Variants in CIMIP6 observed in about 807,000 individuals in gnomAD.
CIMIP6 encodes uncharacterized protein C2orf73.
chr2:54,375,708 A>G, the CIMIP6 span, among the ~76,000 whole-genome samples: 1 of 152,260 alleles, frequency 6.6e-6, no homozygotes, highest in Non-Finnish European at 1.5e-5. Flanking sequence ...TTCAGTGTCC[A>G]CAAGGGAACT....
the CIMIP6 span, among the ~76,000 whole-genome samples, chr2:54,332,610 G>A: frequency 1.3e-5 from 2 of 152,246 alleles, no homozygotes; most frequent in South Asian, 4.1e-4. Flanking sequence ...TTTTCTTCTG[G>A]CAAGAGATTG....
chr2:54,368,238 G>A, the CIMIP6 span, among the ~76,000 whole-genome samples: 1 of 152,212 alleles, frequency 6.6e-6, no homozygotes. Flanking sequence ...GGTAGGAGTT[G>A]TGGATAGTGG....
chr2:54,352,184 T>C, the CIMIP6 span, among the ~76,000 whole-genome samples: 1 of 152,208 alleles, frequency 6.6e-6, no homozygotes, highest in Admixed American at 6.5e-5. Context: ...CTTTCTCATC[T>C]CTATATTTAA....
the CIMIP6 span, chr2:54,330,945 G>T: frequency 6.2e-7 from 1 of 1,611,620 alleles, no homozygotes; most frequent in Non-Finnish European, 8.5e-7. Flanking sequence ...CTTCCCAGGA[G>T]GCTCCTCGCT....
the CIMIP6 span, chr2:54,335,063 A>T: frequency 6.8e-7 from 1 of 1,477,348 alleles, no homozygotes; most frequent in Non-Finnish European, 9.2e-7. Context: ...AGAGATTTAG[A>T]TTCAGATGCT....
At chr2:54,351,244 G>T in the CIMIP6 span, among the ~76,000 whole-genome samples, 2 of 152,098 alleles carry the variant, frequency 1.3e-5, no homozygotes, top group Admixed American at 1.3e-4. Flanking sequence ...ATTATGTTCT[G>T]TTTTCCAGAA....
At chr2:54,360,208 C>T in the CIMIP6 span, 43 of 1,563,580 alleles carry the variant, frequency 2.8e-5, no homozygotes, top group South Asian at 3.6e-5. Context: ...TCCAGAGACA[C>T]GGAGCTTTTG....
the CIMIP6 span, among the ~76,000 whole-genome samples, chr2:54,382,498 A>G: frequency 5.9e-5 from 9 of 152,160 alleles, no homozygotes. Context: ...CCCATGCTAC[A>G]GCCATCTCAT....
chr2:54,378,903 C>A, the CIMIP6 span, among the ~76,000 whole-genome samples: 1 of 152,176 alleles, frequency 6.6e-6, no homozygotes. Context: ...TACTACTGTC[C>A]TTTGCAGGGA....
chr2:54,369,173 G>A, the CIMIP6 span, among the ~76,000 whole-genome samples: 3 of 152,122 alleles, frequency 2.0e-5, no homozygotes, highest in East Asian at 1.9e-4. Flanking sequence ...AAAACACTGC[G>A]AAAGGCAAAA....
the CIMIP6 span, among the ~76,000 whole-genome samples, chr2:54,354,028 C>T: frequency 9.3e-3 from 1,414 of 152,226 alleles, 26 homozygotes; most frequent in African/African-American, 0.032. Context: ...CCACCATGCG[C>T]GCACTATTAA....
the CIMIP6 span, among the ~76,000 whole-genome samples, chr2:54,348,186 A>C: frequency 1.8e-4 from 28 of 152,336 alleles, no homozygotes; most frequent in African/African-American, 6.3e-4. Context: ...GAACCCATTA[A>C]ATTTAATCAT....
At chr2:54,346,486 CT>C in the CIMIP6 span, among the ~76,000 whole-genome samples, 1 of 152,144 alleles carries the variant, frequency 6.6e-6, no homozygotes, top group Non-Finnish European at 1.5e-5. Flanking sequence ...AGCTAGTCAC[CT>C]TTTCAAACCT....
At chr2:54,360,300 C>T in the CIMIP6 span, 3 of 1,611,826 alleles carry the variant, frequency 1.9e-6, no homozygotes, top group South Asian at 2.2e-5. Context: ...GGGTCACGTT[C>T]ATCAGAACAG....
the CIMIP6 span, among the ~76,000 whole-genome samples, chr2:54,334,352 T>A: frequency 6.6e-5 from 10 of 152,330 alleles, no homozygotes; most frequent in African/African-American, 2.4e-4. Context: ...TTGGTAGCTT[T>A]AAGTTTGCCA....
the CIMIP6 span, among the ~76,000 whole-genome samples, chr2:54,376,268 C>A: frequency 6.6e-6 from 1 of 152,122 alleles, no homozygotes; most frequent in South Asian, 2.1e-4. Flanking sequence ...GGTCTGCAAC[C>A]CTCCCAAAGT....
At chr2:54,331,060 G>C in the CIMIP6 span, 4 of 1,564,862 alleles carry the variant, frequency 2.6e-6, no homozygotes, top group Admixed American at 1.7e-5. Context: ...CCTCCTTCAG[G>C]GGGAGGCCGG....
chr2:54,344,617 G>A, the CIMIP6 span, among the ~76,000 whole-genome samples: 1 of 152,116 alleles, frequency 6.6e-6, no homozygotes, highest in African/African-American at 2.4e-5. Flanking sequence ...CTCCAGTCAT[G>A]AGCACTCCAC....
chr2:54,359,695 T>G, the CIMIP6 span, among the ~76,000 whole-genome samples: 30 of 152,134 alleles, frequency 2.0e-4, 1 homozygote, highest in South Asian at 6.2e-3. Flanking sequence ...GGGAGATGCA[T>G]GTAAGGTTTA....
Sources: gnomAD v4.1 joint callset for allele counts (sites outside exome capture counted in the v4.1 genomes callset) on GRCh38, gnomAD v4.1.1 for gene constraint, MANE v1.5 for transcripts, NCBI Gene and HGNC (gene_info 2026-07-23, HGNC 2026-07-21) for gene names.